RAB27B: variants seen among roughly 807,000 people sequenced by gnomAD.
RAB27B encodes the protein ras-related protein Rab-27B.
In RAB27B, 15 loss-of-function variants were observed where a neutral mutation model predicts 24.6. The ratio of observed to expected loss-of-function variants is 0.61; its 90% CI spans 0.41 to 0.94. The LOEUF is 0.94. Ranked by LOEUF, RAB27B falls within the 40% of genes least tolerant of loss-of-function variation. The pLI, the probability that RAB27B is intolerant of heterozygous loss-of-function variation, is 0.00. For missense variants in RAB27B, 261 were observed against 266.8 expected, an observed-to-expected ratio of 0.98 and a Z score of 0.15; for synonymous variants, 105 against 92.5, an observed-to-expected ratio of 1.14 and a Z score of -0.78.
At chr18:54,770,350 T>C (rs957547572) in intron 2 of RAB27B, among the ~76,000 whole-genome samples, 1 of 152,094 alleles carries the variant, frequency 6.6e-6, no homozygotes, top group African/African-American at 2.4e-5. Flanking sequence ...GGCAGCGGCA[T>C]TAGATTCTCA....
Position 54,771,591 on chromosome 18 carries a change from A to AGTGT in RAB27B, c.-20+53494_-20+53497dup, listed in dbSNP as rs36228307. On this transcript the variant is annotated intron_variant, in intron 2 of 4. Transcript: ENST00000586570. The stretch of plus-strand genomic sequence containing the variant: ...ATTATGGTGATAGAGCTGATAGTTT[A>AGTGT]GTGTGTGTGTGTGTGTGTGTGTGTG... Among the ~76,000 whole-genome samples, 938 of 144,978 alleles carry AGTGT rather than the reference A, an allele frequency of 6.5e-3. 4 individuals carry two copies. Among genetic ancestry groups the AGTGT allele is most frequent in the East Asian group, 0.015 (73 of 4,852 alleles).
intron 1 of RAB27B, among the ~76,000 whole-genome samples, chr18:54,837,317 C>T (rs1046737936): frequency 5.9e-5 from 9 of 151,798 alleles, no homozygotes; most frequent in Non-Finnish European, 1.0e-4. Flanking sequence ...GAATAATTAG[C>T]GAGGGTGGGC....
At chr18:54,822,509 G>A (rs951128004) in intron 2 of RAB27B, among the ~76,000 whole-genome samples, 5 of 152,106 alleles carry the variant, frequency 3.3e-5, no homozygotes, top group Non-Finnish European at 7.4e-5. Flanking sequence ...GCACCTCACC[G>A]TAAAGCTACC....
chr18:54,826,069 G>T (rs1306054839), upstream of RAB27B, among the ~76,000 whole-genome samples: 1 of 152,106 alleles, frequency 6.6e-6, no homozygotes, highest in Non-Finnish European at 1.5e-5. Context: ...CTGCTTATTT[G>T]TCTTTGTGAT....
At chr18:54,767,824 C>A (rs1224134664) in intron 2 of RAB27B, among the ~76,000 whole-genome samples, 1 of 152,096 alleles carries the variant, frequency 6.6e-6, no homozygotes, top group Admixed American at 6.6e-5. Context: ...TGTGTGGACT[C>A]AATGAAGTCA....
chr18:54,816,570 A>C lies in RAB27B; in HGVS notation c.-19-60997A>C, dbSNP rs532603432. Among the ~76,000 whole-genome samples the C allele has an allele frequency of 3.3e-5, 5 of 152,330 alleles. No homozygotes were observed. The South Asian group carries it at 1.0e-3, about 32-fold the overall frequency. On this transcript the variant is annotated intron_variant, in intron 2 of 4. Transcript: ENST00000586570. ...AATTTGAAACAAAAGATTTAAGGAT[A>C]ATTTTTATCTTGACAGTGATAGTCT...
intron 2 of RAB27B, chr18:54,744,667 GT>G (rs2145017978): frequency 6.6e-6 from 1 of 152,230 alleles, no homozygotes; most frequent in South Asian, 2.1e-4. Flanking sequence ...AAAAATAATA[GT>G]AGCCTTTCCA....
At chr18:54,798,863 T>C (rs1360059567) in intron 2 of RAB27B, among the ~76,000 whole-genome samples, 1 of 152,224 alleles carries the variant, frequency 6.6e-6, no homozygotes, top group Non-Finnish European at 1.5e-5. Context: ...AAAAGAATAA[T>C]TGTCCATGTC....
chr18:54,861,421 G>A (rs1912004118), intron 1 of RAB27B, among the ~76,000 whole-genome samples: 1 of 152,108 alleles, frequency 6.6e-6, no homozygotes, highest in Non-Finnish European at 1.5e-5. Context: ...CTTCACTGAG[G>A]GTGGCATATC....
intron 2 of RAB27B, among the ~76,000 whole-genome samples, chr18:54,796,248 T>C (rs1909414600): frequency 6.6e-6 from 1 of 152,072 alleles, no homozygotes; most frequent in Non-Finnish European, 1.5e-5. Flanking sequence ...TAGGGGTGGG[T>C]GTCTGTGACT....
At chr18:54,801,292 G>C (rs905398789) in intron 2 of RAB27B, among the ~76,000 whole-genome samples, 1 of 151,904 alleles carries the variant, frequency 6.6e-6, no homozygotes, top group Non-Finnish European at 1.5e-5. Flanking sequence ...TGGGATTGCA[G>C]GTGTGAGCCA....
rs751803591 is a variant in RAB27B, at chr18:54,889,324, G to C, written c.568G>C (p.Glu190Gln). The C allele has an allele frequency of 1.2e-6, 2 of 1,613,416 alleles. No homozygotes were observed. The highest frequency in any genetic ancestry group is 4.5e-5 in the East Asian group (2 of 44,852). Residue 190 changes from glutamate to glutamine, a missense_variant, in exon 6 of 6, where the codon GAG (glutamate) becomes CAG (glutamine). Glu to Gln is a conservative substitution (Grantham distance 29, BLOSUM62 2). Coordinates refer to ENST00000262094, the MANE Select transcript of RAB27B (RefSeq NM_004163.4). ...CATGAAGCGAATGGAACAGTGTGTGGAGAAGACACAAATCCCTGATACTGT... is the reference window on the plus strand; with the variant it reads ...CATGAAGCGAATGGAACAGTGTGTGCAGAAGACACAAATCCCTGATACTGT... The part of the protein sequence containing the change: ...LIMKRMEQCV[E>Q]KTQIPDTVNG...
chr18:54,770,375 C>G (rs1042286605), intron 2 of RAB27B, among the ~76,000 whole-genome samples: 8 of 151,956 alleles, frequency 5.3e-5, no homozygotes, highest in Non-Finnish European at 7.4e-5. Flanking sequence ...ATCATGAACC[C>G]TATTGTGAAC....
chr18:54,855,321 C>A (rs1446323536), intron 1 of RAB27B, among the ~76,000 whole-genome samples: 3 of 152,196 alleles, frequency 2.0e-5, no homozygotes, highest in Non-Finnish European at 4.4e-5. Flanking sequence ...AGCCCAGTTC[C>A]TAACAGGCCA....
chr18:54,865,237 TTG>T (rs3060044), intron 1 of RAB27B, among the ~76,000 whole-genome samples: 3,031 of 143,430 alleles, frequency 0.021, 32 homozygotes, highest in East Asian at 0.038. Context: ...CAATGGCCTT[TTG>T]TGTGTGTGTG....
chr18:54,765,594 T>C (rs780893060), intron 2 of RAB27B, among the ~76,000 whole-genome samples: 9 of 152,210 alleles, frequency 5.9e-5, no homozygotes, highest in Non-Finnish European at 7.3e-5. Context: ...ATGGAGACAC[T>C]GGACACTGAA....
chr18:54,772,219 A>C (rs886966943), intron 2 of RAB27B, among the ~76,000 whole-genome samples: 2 of 152,194 alleles, frequency 1.3e-5, no homozygotes, highest in Non-Finnish European at 1.5e-5. Flanking sequence ...CTGCCTGATG[A>C]GGTTTAGCCA....
chr18:54,724,216 A>G (rs1909456543), intron 2 of RAB27B, among the ~76,000 whole-genome samples: 1 of 151,724 alleles, frequency 6.6e-6, no homozygotes, highest in Non-Finnish European at 1.5e-5. Flanking sequence ...AAGCATCCAA[A>G]AATTCAACCA....
chr18:54,888,062 A>G lies in RAB27B; in HGVS notation c.411A>G (p.Leu137=), dbSNP rs751128655. 1 of 1,613,318 alleles carries G rather than the reference A, an allele frequency of 6.2e-7. No individual in the cohort carries two copies. Among genetic ancestry groups the G allele is most frequent in the Non-Finnish European group, 8.5e-7 (1 of 1,179,432 alleles). ...DIVLIGNKAD[L]PDQREVNERQ... ...TATTAATTGGCAACAAGGCAGACCT[A>G]CCAGATCAGAGGGAAGTCAATGAAC... The change falls in exon 5 of 6, where the codon CTA becomes CTG. Residue 137 remains leucine, a synonymous_variant. Coordinates refer to ENST00000262094, the MANE Select transcript of RAB27B (RefSeq NM_004163.4).
Sources: gnomAD v4.1 joint callset for allele counts (sites outside exome capture counted in the v4.1 genomes callset) on GRCh38, gnomAD v4.1.1 for gene constraint, MANE v1.5 for transcripts, NCBI Gene and HGNC (gene_info 2026-07-23, HGNC 2026-07-21) for gene names.